LTO1: variants seen among roughly 807,000 people sequenced by gnomAD.
The protein encoded by LTO1 is LTO1 maturation factor of ABCE1.
A neutral mutation model predicts 19.8 loss-of-function variants in LTO1; 18 were observed. That is an observed-to-expected ratio of 0.91 (90% confidence interval 0.63 to 1.35). The LOEUF (loss-of-function observed/expected upper bound fraction) is 1.35, where lower values mean the gene tolerates loss of function less well. Ranked by LOEUF, LTO1 falls within the 40% of genes most tolerant of loss-of-function variation. The probability of loss-of-function intolerance (pLI) is 0.00; values close to 1 mark genes in which losing one functional copy is unlikely to be tolerated. For missense variants in LTO1, 175 were observed against 167.9 expected (o/e 1.04, Z -0.23); for synonymous variants, 59 against 59.6 (o/e 0.99, Z 0.05).
chr11:69,667,876 A>C lies in LTO1; in HGVS notation c.345+19T>G. 1 of 1,154,118 alleles carries C rather than the reference A, an allele frequency of 8.7e-7. No homozygotes were observed. The highest frequency in any genetic ancestry group is 1.3e-6 in the Non-Finnish European group (1 of 759,592). 71.5% of individuals were successfully genotyped at this position (1,154,118 alleles called of 1,614,324 possible). On this transcript the variant is annotated intron_variant, in intron 4 of 4. Coordinates refer to ENST00000279147, the MANE Select transcript of LTO1 (RefSeq NM_153451.3). ...GCAATCAGGTGCTCCTAGCAGGAGG[A>C]AACACACAGTGCACGCACCTGTTTA...
At position 69,673,305 on chromosome 11, in the gene LTO1, A is replaced by G; in HGVS notation, c.67T>C (p.Tyr23His). Residue 23 changes from tyrosine (Y) to histidine (H), a missense_variant, in exon 2 of 5, where the codon TAT becomes CAT. Transcript: ENST00000279147. Reference sequence around the variant, plus strand: ...CTGCCTTCTTCATAGCCTTCCCGATACCCTTCCCCATGAAACCTGTGAAGA... The same window carrying G: ...CTGCCTTCTTCATAGCCTTCCCGATGCCCTTCCCCATGAAACCTGTGAAGA... ...MADERFHGEG[Y>H]REGYEEGSSL... The G allele has an allele frequency of 6.2e-7, 1 of 1,608,622 alleles. No individual in the cohort carries two copies. The highest frequency in any genetic ancestry group is 8.5e-7 in the Non-Finnish European group (1 of 1,175,060).
chr11:69,672,252 T>C (rs1263234916), intron 2 of LTO1: 2 of 175,362 alleles, frequency 1.1e-5, no homozygotes, highest in African/African-American at 2.3e-5. Context: ...CAGCACCACC[T>C]TGGAGGCAGA....
chr11:69,672,621 G>T (rs79853477), intron 2 of LTO1: 2 of 164,356 alleles, frequency 1.2e-5, no homozygotes, highest in African/African-American at 4.8e-5. Flanking sequence ...CTTAGTACAT[G>T]AGCCAGCACC....
At chr11:69,675,037 C>T in intron 1 of LTO1, 153 bp downstream of exon 1, 1 of 720,076 alleles carries the variant, frequency 1.4e-6, no homozygotes, top group East Asian at 2.7e-5. Context: ...ATCAGGCCCA[C>T]ACTTGTCCCT....
intron 1 of LTO1, 193 bp from the exon 2 acceptor site, chr11:69,673,514 G>C (rs1856142101): frequency 1.6e-5 from 9 of 569,768 alleles, no homozygotes; most frequent in Non-Finnish European, 2.5e-5. Context: ...GGAAGTCACT[G>C]TACCTCTTGT....
At position 69,675,301 on chromosome 11, in the gene LTO1, C is replaced by T; in HGVS notation, c.-62G>A. 3.0e-6 allele frequency: 4 copies of T among 1,322,686 alleles called. No homozygotes were observed. The Admixed American group carries it at 9.0e-5, about 30-fold the overall frequency. 81.9% of individuals were successfully genotyped at this position (1,322,686 alleles called of 1,614,324 possible). On this transcript the variant is annotated 5_prime_UTR_variant, in exon 1 of 5. Transcript: ENST00000279147. Reference sequence around the variant, plus strand: ...GCAGCCCCGCGGTGCCGTAGCAGACCCGGCAGCTTCAGGCACAAATGCTCC... The same window carrying T: ...GCAGCCCCGCGGTGCCGTAGCAGACTCGGCAGCTTCAGGCACAAATGCTCC...
Position 69,666,134 on chromosome 11 carries a change from GAC to G in LTO1, c.*1383_*1384del, listed in dbSNP as rs1222054389. 2.0e-5 allele frequency: 3 copies of G among 152,154 alleles called. No individual in the cohort carries two copies. The highest frequency in any genetic ancestry group is 7.2e-5 in the African/African-American group (3 of 41,422). 9.4% of individuals were successfully genotyped at this position (152,154 alleles called of 1,614,324 possible). A position where few individuals can be genotyped will look rare whatever the true frequency, so the allele number is the denominator to read the frequency against. On this transcript the variant is annotated 3_prime_UTR_variant, in exon 5 of 5. Coordinates refer to ENST00000279147, the MANE Select transcript of LTO1 (RefSeq NM_153451.3). ...CGCGCCAATACACTCCAAACTCGGCGACAGAGTGAGACTCCGTCTTAAAAGAA... is the reference window on the plus strand; with the variant it reads ...CGCGCCAATACACTCCAAACTCGGCGAGAGTGAGACTCCGTCTTAAAAGAA...
chr11:69,675,120 C>T (rs1856171041), intron 1 of LTO1, 70 bp downstream of exon 1: 4 of 1,425,570 alleles, frequency 2.8e-6, no homozygotes, highest in Middle Eastern at 1.7e-4. Flanking sequence ...CGCCCTGGGC[C>T]GCAGCCGGCG....
intron 3 of LTO1, among the ~76,000 whole-genome samples, chr11:69,670,664 C>T (rs1484219176): frequency 6.6e-6 from 1 of 152,184 alleles, no homozygotes; most frequent in South Asian, 2.1e-4. Context: ...AATAAAAGCA[C>T]AAGTCACGTA....
Position 69,671,816 on chromosome 11 carries a change from C to T in LTO1, c.160G>A (p.Gly54Arg), listed in dbSNP as rs762646915. The T allele has an allele frequency of 5.1e-6, 8 of 1,574,512 alleles. No individual in the cohort carries two copies. Among genetic ancestry groups the T allele is most frequent in the Admixed American group, 3.3e-5 (2 of 59,950 alleles). Residue 54 changes from glycine to arginine, a missense_variant, in exon 3 of 5, where the codon GGG (glycine) becomes AGG (arginine). Transcript: ENST00000279147. ...LHGAKIGSEI[G>R]CYQGFAFAWK... ...GCAAAAGCAAAACCTTGGTAGCACC[C>T]GATCTGTGAATGTGAAAAATATTTA...
chr11:69,674,531 G>A (rs1436270222), intron 1 of LTO1: 1 of 347,472 alleles, frequency 2.9e-6, no homozygotes, highest in African/African-American at 2.1e-5. Flanking sequence ...AAATTCCGAA[G>A]AATAATAGGA....
At chr11:69,674,066 GA>G (rs1486388285) in intron 1 of LTO1, among the ~76,000 whole-genome samples, 2 of 152,008 alleles carry the variant, frequency 1.3e-5, no homozygotes, top group Non-Finnish European at 2.9e-5. Context: ...TGTTAGCTAG[GA>G]TGGTCTGGAT....
intron 3 of LTO1, among the ~76,000 whole-genome samples, chr11:69,671,212 A>G (rs1303901179): frequency 1.3e-5 from 2 of 152,114 alleles, no homozygotes; most frequent in African/African-American, 2.4e-5. Flanking sequence ...AAGAGTTTTT[A>G]AAGGCTAAAA....
At position 69,673,234 on chromosome 11, in the gene LTO1, T is replaced by A; in HGVS notation, c.138A>T (p.Gly46=). Residue 46 remains glycine, a synonymous_variant, in exon 2 of 5, where the codon GGA becomes GGT. Transcript: ENST00000279147. ...MEGRQHGTLH[G]AKIGSEIGCY... ...CACTTACCTCAGACCCGATTTTGGC[T>A]CCATGCAGCGTGCCATGCTGCCTTC... is the stretch of plus-strand genomic sequence containing the variant. The A allele has an allele frequency of 1.2e-6, 2 of 1,609,746 alleles. No homozygotes were observed. The highest frequency in any genetic ancestry group is 2.2e-5 in the South Asian group (2 of 90,990).
chr11:69,673,960 T>A (rs1234627333), intron 1 of LTO1, among the ~76,000 whole-genome samples: 1 of 152,030 alleles, frequency 6.6e-6, no homozygotes. Context: ...GGGTTCACGC[T>A]CTCCTGCCTC....
intron 1 of LTO1, chr11:69,674,762 G>A (rs1307411521): frequency 6.5e-6 from 3 of 461,206 alleles, no homozygotes; most frequent in Admixed American, 4.7e-5. Flanking sequence ...GGCTCCCCAG[G>A]GGCTCTGGAG....
rs188784652 is a variant in LTO1, at chr11:69,668,801, G to C, written c.228-789C>G. On this transcript the variant is annotated intron_variant, in intron 3 of 4. Transcript: ENST00000279147. The stretch of plus-strand genomic sequence containing the variant: ...CCAGCACTTTGGGAGGCCGAGGAGG[G>C]TGGATCACCTGAGGTCAGGAGTTCG... Among the ~76,000 whole-genome samples, 333 of 152,152 alleles carry C rather than the reference G, an allele frequency of 2.2e-3. 3 individuals carry two copies. The highest frequency in any genetic ancestry group is 6.7e-3 in the African/African-American group (278 of 41,502).
chr11:69,671,350 C>T (rs1856106860), intron 3 of LTO1: 1 of 178,722 alleles, frequency 5.6e-6, no homozygotes, highest in Non-Finnish European at 1.2e-5. Flanking sequence ...ACACTGGTGT[C>T]CTCATCTCTG....
At chr11:69,674,918 A>C in intron 1 of LTO1, 2 of 676,236 alleles carry the variant, frequency 3.0e-6, no homozygotes, top group Non-Finnish European at 5.4e-6. Flanking sequence ...GAGGAGGGGA[A>C]CCACCAGGCT....
Sources: allele counts gnomAD v4.1 joint callset (sites outside exome capture counted in the v4.1 genomes callset), GRCh38; gene constraint gnomAD v4.1.1; transcripts MANE v1.5; gene names NCBI Gene and HGNC (gene_info 2026-07-23, HGNC 2026-07-21).